SCHIP1: variants seen among roughly 807,000 people sequenced by gnomAD.
SCHIP1 encodes schwannomin-interacting protein 1.
A neutral mutation model predicts 29.7 loss-of-function variants in SCHIP1; 8 were observed. The ratio of observed to expected loss-of-function variants is 0.27; its 90% CI spans 0.16 to 0.49. The LOEUF (loss-of-function observed/expected upper bound fraction) is 0.49. SCHIP1 is among the 20% of genes least tolerant of loss of function. SCHIP1 has a pLI of 0.99. For synonymous variants in SCHIP1, 76 were observed against 94.9 expected, an observed-to-expected ratio of 0.80 and a Z score of 1.16; for missense variants, 193 against 294.6, an observed-to-expected ratio of 0.66 and a Z score of 2.52.
chr3:159,706,288 C>T, the SCHIP1 span, among the ~76,000 whole-genome samples: 1 of 152,254 alleles, frequency 6.6e-6, no homozygotes, highest in African/African-American at 2.4e-5. Context: ...ACCCTTAAGC[C>T]TCTTGCCAGT....
chr3:159,663,008 G>A, the SCHIP1 span, among the ~76,000 whole-genome samples: 3 of 152,190 alleles, frequency 2.0e-5, no homozygotes, highest in African/African-American at 7.2e-5. Context: ...CGTTCTGGGG[G>A]ATGTGTGTCT....
chr3:159,843,932 A>C (rs1027093607), intron 1 of SCHIP1, among the ~76,000 whole-genome samples: 1 of 150,360 alleles, frequency 6.7e-6, no homozygotes, highest in African/African-American at 2.5e-5. Flanking sequence ...ATGAACCTGC[A>C]CTGTTTTCAT....
the SCHIP1 span, among the ~76,000 whole-genome samples, chr3:159,601,730 A>G: frequency 6.6e-6 from 1 of 152,204 alleles, no homozygotes; most frequent in Non-Finnish European, 1.5e-5. Context: ...TTTTCCCAGG[A>G]GATGCCTTTT....
chr3:159,451,324 G>C, the SCHIP1 span, among the ~76,000 whole-genome samples: 1 of 152,212 alleles, frequency 6.6e-6, no homozygotes, highest in Admixed American at 6.5e-5. Flanking sequence ...GTGGGCAAGA[G>C]TGTTAGACAA....
At chr3:159,299,720 C>T in the SCHIP1 span, among the ~76,000 whole-genome samples, 1 of 152,108 alleles carries the variant, frequency 6.6e-6, no homozygotes, top group Non-Finnish European at 1.5e-5. Flanking sequence ...TGATCCCACA[C>T]TGTCTGCAGG....
chr3:159,754,119 G>T, the SCHIP1 span, among the ~76,000 whole-genome samples: 6 of 152,270 alleles, frequency 3.9e-5, no homozygotes, highest in Admixed American at 1.3e-4. Context: ...ATCCCTCAGT[G>T]CCTGACACAT....
chr3:159,448,425 T>C, the SCHIP1 span, among the ~76,000 whole-genome samples: 2 of 152,004 alleles, frequency 1.3e-5, no homozygotes, highest in African/African-American at 2.4e-5. Flanking sequence ...CAGCTGAGAT[T>C]ACACCACTGC....
At chr3:159,339,824 C>G in the SCHIP1 span, among the ~76,000 whole-genome samples, 1 of 152,150 alleles carries the variant, frequency 6.6e-6, no homozygotes, top group East Asian at 1.9e-4. Flanking sequence ...TTCACTTATT[C>G]TTTCATTACT....
chr3:159,804,157 T>G, the SCHIP1 span, among the ~76,000 whole-genome samples: 35 of 152,348 alleles, frequency 2.3e-4, no homozygotes, highest in African/African-American at 8.2e-4. Context: ...CAGTGATTCT[T>G]TACTGAGTTA....
chr3:159,286,947 C>T, the SCHIP1 span, among the ~76,000 whole-genome samples: 9 of 152,142 alleles, frequency 5.9e-5, no homozygotes, highest in African/African-American at 1.9e-4. Context: ...TGTTTAAGTT[C>T]TTTATAGATT....
the SCHIP1 span, among the ~76,000 whole-genome samples, chr3:159,426,825 G>A: frequency 1.3e-5 from 2 of 152,260 alleles, no homozygotes; most frequent in East Asian, 3.9e-4. Flanking sequence ...ACATCAAAAA[G>A]CTTATCCACC....
chr3:159,707,084 C>T, the SCHIP1 span, among the ~76,000 whole-genome samples: 1 of 152,086 alleles, frequency 6.6e-6, no homozygotes, highest in Non-Finnish European at 1.5e-5. Flanking sequence ...TCAATGGTGG[C>T]AAGTGTTACA....
At chr3:159,629,577 G>T in the SCHIP1 span, among the ~76,000 whole-genome samples, 1 of 152,166 alleles carries the variant, frequency 6.6e-6, no homozygotes, top group African/African-American at 2.4e-5. Flanking sequence ...GTGACTTGTT[G>T]CAGGACAACA....
the SCHIP1 span, among the ~76,000 whole-genome samples, chr3:159,657,787 G>T: frequency 6.6e-6 from 1 of 152,244 alleles, no homozygotes; most frequent in South Asian, 2.1e-4. Context: ...GTCCTTGGAG[G>T]TGCATTCTGT....
the SCHIP1 span, among the ~76,000 whole-genome samples, chr3:159,735,193 G>A: frequency 2.0e-4 from 30 of 151,100 alleles, no homozygotes; most frequent in Admixed American, 1.8e-3. Context: ...TTCTCATAAG[G>A]CACCTCTTAC....
chr3:159,446,209 C>T, the SCHIP1 span, among the ~76,000 whole-genome samples: 1 of 151,900 alleles, frequency 6.6e-6, no homozygotes, highest in Non-Finnish European at 1.5e-5. Flanking sequence ...GCAACAGAGA[C>T]ACACATACAT....
chr3:159,766,767 A>T, the SCHIP1 span, among the ~76,000 whole-genome samples: 1 of 152,196 alleles, frequency 6.6e-6, no homozygotes, highest in Non-Finnish European at 1.5e-5. Context: ...ACATCAGTCC[A>T]CATGGGGCTG....
At chr3:159,740,456 T>C in the SCHIP1 span, among the ~76,000 whole-genome samples, 1 of 152,102 alleles carries the variant, frequency 6.6e-6, no homozygotes, top group Non-Finnish European at 1.5e-5. Flanking sequence ...CCAACTAAGC[T>C]GAGGAAAGCA....
chr3:159,356,283 T>A, the SCHIP1 span, among the ~76,000 whole-genome samples: 30 of 152,326 alleles, frequency 2.0e-4, 1 homozygote, highest in Admixed American at 1.1e-3. Flanking sequence ...ACACCTTGAA[T>A]ATACTATTTT....
Sources: gnomAD v4.1 joint callset for allele counts (sites outside exome capture counted in the v4.1 genomes callset) on GRCh38, gnomAD v4.1.1 for gene constraint, MANE v1.5 for transcripts, NCBI Gene and HGNC (gene_info 2026-07-23, HGNC 2026-07-21) for gene names.